ZDHHC9: variants seen among roughly 807,000 people sequenced by gnomAD.
ZDHHC9 encodes palmitoyltransferase ZDHHC9.
ZDHHC9 carries 3 observed loss-of-function variants against 26.6 expected under a neutral mutation model. The observed-to-expected ratio is 0.11, with a 90% CI of 0.05 to 0.29. The LOEUF is 0.29. ZDHHC9 is among the 10% of genes least tolerant of loss of function. The probability of loss-of-function intolerance (pLI) is 1.00; values close to 1 mark genes in which losing one functional copy is unlikely to be tolerated. For missense variants in ZDHHC9, 146 were observed against 296.4 expected, an observed-to-expected ratio of 0.49 and a Z score of 3.73; for synonymous variants, 111 against 109.4, an observed-to-expected ratio of 1.01 and a Z score of -0.09.
At chrX:129,807,303 G>A (rs954838970) in intron 10 of ZDHHC9, among the ~76,000 whole-genome samples, 9 of 107,878 alleles carry the variant, frequency 8.3e-5, no homozygotes, top group Admixed American at 9.9e-5. Flanking sequence ...AACATTAGCC[G>A]GGCGCGGTGG....
chrX:129,816,549 C>T (rs977582461), intron 5 of ZDHHC9, among the ~76,000 whole-genome samples: 1 of 111,698 alleles, frequency 9.0e-6, no homozygotes, highest in Admixed American at 9.5e-5. Flanking sequence ...AGGGCAAAAA[C>T]TAATAAATAC....
At chrX:129,832,957 T>G (rs1602960094) in intron 3 of ZDHHC9, among the ~76,000 whole-genome samples, 1 of 66,279 alleles carries the variant, frequency 1.5e-5, no homozygotes, top group African/African-American at 7.4e-5. Flanking sequence ...AGAGCAAGAC[T>G]CCACCTCAAA....
chrX:129,806,169 C>A lies in ZDHHC9; in HGVS notation c.*201G>T. ...TTTTCCAGTTATCAGAGGTGACTGA[C>A]ATCTTCTGCCACTGCCTTGAGTTCA... is the stretch of plus-strand genomic sequence containing the variant. On this transcript the variant is annotated 3_prime_UTR_variant, in exon 11 of 11. Coordinates refer to ENST00000357166, the MANE Select transcript of ZDHHC9 (RefSeq NM_016032.4). 2.1e-6 allele frequency: 1 copy of A among 476,201 alleles called. No individual in the cohort carries two copies. Among genetic ancestry groups the A allele is most frequent in the Non-Finnish European group, 3.7e-6 (1 of 267,843 alleles). The allele number at this position is 476,201 out of a possible 1,213,427, so 39.2% of individuals were successfully genotyped here. A position where few individuals can be genotyped will look rare whatever the true frequency, so the allele number is the denominator to read the frequency against.
intron 3 of ZDHHC9, among the ~76,000 whole-genome samples, chrX:129,839,853 C>T (rs1188314287): frequency 8.9e-6 from 1 of 111,892 alleles, no homozygotes; most frequent in African/African-American, 3.3e-5. Context: ...CTTCTCCCCT[C>T]TTCTTCCCAC....
At position 129,819,402 on chromosome X, in the gene ZDHHC9, T is replaced by G. The variant is rs780535175; in HGVS notation, c.487+4277A>C. On this transcript the variant is annotated intron_variant, in intron 5 of 10. Coordinates refer to ENST00000357166, the MANE Select transcript of ZDHHC9 (RefSeq NM_016032.4). ...TGATAATACAAGTAATACATGCTCA[T>G]TGTAGAAAACTTGAAAAAAATAAAA... is the stretch of plus-strand genomic sequence containing the variant. Among the ~76,000 whole-genome samples, 9 of 109,986 alleles carry G rather than the reference T, an allele frequency of 8.2e-5. No homozygotes were observed. In the East Asian group the frequency reaches 2.3e-3, roughly 28 times the overall value.
At chrX:129,825,196 T>C (rs764515290) in intron 4 of ZDHHC9, among the ~76,000 whole-genome samples, 1 of 110,483 alleles carries the variant, frequency 9.1e-6, no homozygotes, top group South Asian at 3.8e-4. Flanking sequence ...CCAGCTACTC[T>C]GGAGGCTGAG....
At chrX:129,810,844 A>G in intron 10 of ZDHHC9, 61 bp downstream of exon 10, 1 of 1,015,206 alleles carries the variant, frequency 9.9e-7, no homozygotes, top group Admixed American at 2.2e-5. Flanking sequence ...TTATATTTCC[A>G]AGCTGTAAAT....
At chrX:129,821,778 C>T (rs1319040888) in intron 5 of ZDHHC9, among the ~76,000 whole-genome samples, 3 of 108,486 alleles carry the variant, frequency 2.8e-5, no homozygotes, top group East Asian at 3.0e-4. Context: ...AAAAATTAGC[C>T]GGGCGTGGTG....
intron 10 of ZDHHC9, among the ~76,000 whole-genome samples, chrX:129,809,724 C>T (rs1168882677): frequency 7.1e-5 from 8 of 112,001 alleles, no homozygotes; most frequent in Non-Finnish European, 1.1e-4. Flanking sequence ...ATCAGTTGGG[C>T]GCAGTGGCTC....
At chrX:129,819,083 G>A (rs1181548902) in intron 5 of ZDHHC9, among the ~76,000 whole-genome samples, 6 of 99,236 alleles carry the variant, frequency 6.0e-5, no homozygotes, top group African/African-American at 1.9e-4. Flanking sequence ...TGAGGCAGAA[G>A]AATGGCGTGA....
chrX:129,842,897 G>T (rs973151502), intron 2 of ZDHHC9, among the ~76,000 whole-genome samples: 1 of 112,450 alleles, frequency 8.9e-6, no homozygotes, highest in African/African-American at 3.2e-5. Context: ...TTGGGGGGTG[G>T]GGAATGGCAG....
At chrX:129,824,626 GA>G (rs1420316596) in intron 4 of ZDHHC9, among the ~76,000 whole-genome samples, 3 of 111,805 alleles carry the variant, frequency 2.7e-5, no homozygotes. Flanking sequence ...TTCATTTACT[GA>G]TCAAGTCTAC....
intron 5 of ZDHHC9, 36 bp downstream of exon 5, chrX:129,823,643 C>T (rs779769056): frequency 8.3e-7 from 1 of 1,210,423 alleles, no homozygotes. Flanking sequence ...TCAACTCAGC[C>T]TTTTCCCTAG....
At chrX:129,811,596 G>C (rs1927642330) in intron 8 of ZDHHC9, 87 bp from the exon 9 acceptor site, 5 of 745,086 alleles carry the variant, frequency 6.7e-6, no homozygotes, top group Non-Finnish European at 9.8e-6. Context: ...ACACAAAAAA[G>C]AAAAATAATA....
chrX:129,825,129 C>T (rs1423896574), intron 4 of ZDHHC9, among the ~76,000 whole-genome samples: 1 of 110,953 alleles, frequency 9.0e-6, no homozygotes, highest in African/African-American at 3.3e-5. Flanking sequence ...ATGGCAAAAC[C>T]CCGTGTCTAC....
intron 5 of ZDHHC9, among the ~76,000 whole-genome samples, chrX:129,817,603 A>G: frequency 9.0e-6 from 1 of 111,514 alleles, no homozygotes; most frequent in Non-Finnish European, 1.9e-5. Context: ...TCCAAACAGA[A>G]ACTCTGCACC....
In ZDHHC9 at chrX:129,806,478, T is replaced by G. The variant is rs760825926; in HGVS notation, c.987A>C (p.Thr329=). The part of the protein sequence containing the change: ...SSLLPQSPAP[T]EHLNSNEMPE... Reference sequence around the variant, plus strand: ...GCATCTCATTTGAGTTCAGGTGTTCTGTGGGGGCCTGAGAAGGAAAAGATA... The same window carrying G: ...GCATCTCATTTGAGTTCAGGTGTTCGGTGGGGGCCTGAGAAGGAAAAGATA... The change falls in exon 11 of 11, where the codon ACA becomes ACC. Residue 329 remains threonine (T), a synonymous_variant. Transcript: ENST00000357166. The G allele has an allele frequency of 4.9e-5, 59 of 1,205,528 alleles. 1 individual carries two copies. In the South Asian group the frequency reaches 1.0e-3, roughly 21 times the overall value.
chrX:129,827,235 G>C (rs970004706), intron 4 of ZDHHC9, among the ~76,000 whole-genome samples: 3 of 82,869 alleles, frequency 3.6e-5, no homozygotes, highest in Non-Finnish European at 6.7e-5. Flanking sequence ...AAGAAGAAAG[G>C]AAGGAAAGGA....
chrX:129,817,021 T>G (rs893011273), intron 5 of ZDHHC9, among the ~76,000 whole-genome samples: 16 of 110,184 alleles, frequency 1.5e-4, no homozygotes, highest in African/African-American at 5.3e-4. Flanking sequence ...ATTACAGGCA[T>G]CCGCCACCAC....
Sources: allele counts gnomAD v4.1 joint callset (sites outside exome capture counted in the v4.1 genomes callset), GRCh38; gene constraint gnomAD v4.1.1; transcripts MANE v1.5; gene names NCBI Gene and HGNC (gene_info 2026-07-23, HGNC 2026-07-21).